The following CNTNAP3 variants were observed in gnomAD, a reference collection of about 807,000 sequenced individuals.
CNTNAP3 encodes contactin associated protein family member 3.
CNTNAP3 carries 36 observed loss-of-function variants against 92.1 expected under a neutral mutation model. That is an observed-to-expected ratio of 0.39 (90% CI 0.30 to 0.52). The LOEUF (loss-of-function observed/expected upper bound fraction) is 0.52, where lower values mean the gene tolerates loss of function less well. CNTNAP3 is among the 20% of genes least tolerant of loss of function. The pLI is 0.76. For missense variants in CNTNAP3, 534 were observed against 1,069.6 expected, an observed-to-expected ratio of 0.50 and a Z score of 6.98; for synonymous variants, 232 against 422.3, an observed-to-expected ratio of 0.55 and a Z score of 5.53.
chr9:39,132,859 C>G, intron 13 of CNTNAP3, 73 bp downstream of exon 13: 6 of 1,468,520 alleles, frequency 4.1e-6, no homozygotes, highest in East Asian at 5.3e-5. Context: ...TTTTCTCCCT[C>G]AAACGCATCT....
In CNTNAP3 at chr9:39,145,056, T is replaced by C. The variant is rs1267389206; in HGVS notation, c.1650-710A>G. 2.9e-5 allele frequency among the ~76,000 whole-genome samples: 4 copies of C among 139,626 alleles called. 1 individual carries two copies. Among genetic ancestry groups the C allele is most frequent in the Non-Finnish European group, 6.4e-5 (4 of 62,386 alleles). 91.6% of individuals were successfully genotyped at this position (139,626 alleles called of 152,430 possible). ...AATCTTGAAAAAGAACAGTTGGAGGTCTCACACTTTCAGAATTCTTGGAAT... is the reference window on the plus strand; with the variant it reads ...AATCTTGAAAAAGAACAGTTGGAGGCCTCACACTTTCAGAATTCTTGGAAT... On this transcript the variant is annotated intron_variant, in intron 10 of 23. Transcript: ENST00000297668.
chr9:39,140,886 G>A (rs1027003562), intron 11 of CNTNAP3, among the ~76,000 whole-genome samples: 7 of 152,170 alleles, frequency 4.6e-5, no homozygotes, highest in Non-Finnish European at 8.8e-5. Context: ...GTTGTTAGAT[G>A]CTGAATAAAT....
At chr9:39,168,166 G>A (rs1251985058) in intron 8 of CNTNAP3, among the ~76,000 whole-genome samples, 2 of 124,830 alleles carry the variant, frequency 1.6e-5, no homozygotes, top group African/African-American at 2.9e-5. Context: ...ACAGGCACCC[G>A]CCACCACGCC....
Position 39,140,645 on chromosome 9 carries a change from G to C in CNTNAP3, c.1757-7C>G, listed in dbSNP as rs773656590. The C allele has an allele frequency of 6.3e-7, 1 of 1,588,194 alleles. No homozygotes were observed. The highest frequency in any genetic ancestry group is 8.5e-7 in the Non-Finnish European group (1 of 1,171,536). On this transcript the variant is annotated splice_polypyrimidine_tract_variant and splice_region_variant and intron_variant, in intron 11 of 23. Transcript: ENST00000297668. ...CAAGACTGCTCGTAGAGAGCTGTAG[G>C]AGAACACCAGCCATAAGAACCAGAA...
chr9:39,087,548 G>A (rs1242422975), intron 19 of CNTNAP3, among the ~76,000 whole-genome samples: 4 of 151,870 alleles, frequency 2.6e-5, no homozygotes, highest in African/African-American at 7.3e-5. Context: ...GTGCAGTGGC[G>A]CGATCTGGGC....
At chr9:39,083,350 A>G (rs1564068285) in intron 21 of CNTNAP3, among the ~76,000 whole-genome samples, 2 of 152,002 alleles carry the variant, frequency 1.3e-5, no homozygotes, top group Non-Finnish European at 2.9e-5. Flanking sequence ...TTTGATATAT[A>G]TATGTAATTT....
intron 10 of CNTNAP3, among the ~76,000 whole-genome samples, chr9:39,149,420 G>C (rs866753363): frequency 5.9e-5 from 9 of 151,450 alleles, no homozygotes; most frequent in Admixed American, 5.9e-4. Flanking sequence ...CGCGATCTCT[G>C]CTCACTGCAA....
chr9:39,085,889 G>A, intron 20 of CNTNAP3, 66 bp from the exon 21 acceptor site: 2 of 1,341,058 alleles, frequency 1.5e-6, no homozygotes, highest in Non-Finnish European at 2.1e-6. Flanking sequence ...AGGAAGCAAA[G>A]GAAGATGAGG....
At chr9:39,126,956 AT>A (rs199862119) in intron 13 of CNTNAP3, among the ~76,000 whole-genome samples, 88 of 151,194 alleles carry the variant, frequency 5.8e-4, no homozygotes, top group Admixed American at 1.5e-3. Flanking sequence ...CAGAATATAC[AT>A]TTTTTTTTCA....
At chr9:39,141,105 T>G (rs1329600600) in intron 11 of CNTNAP3, among the ~76,000 whole-genome samples, 1 of 152,172 alleles carries the variant, frequency 6.6e-6, no homozygotes, top group Non-Finnish European at 1.5e-5. Context: ...TGTAAAACAC[T>G]TGAAGAGATA....
At chr9:39,105,382 A>T (rs10814795) in intron 15 of CNTNAP3, among the ~76,000 whole-genome samples, 1 of 151,894 alleles carries the variant, frequency 6.6e-6, no homozygotes, top group Admixed American at 6.6e-5. Context: ...AGGTGAGATC[A>T]TGCCACTGCA....
rs1156620879 is a variant in CNTNAP3 at position 39,276,558 on chromosome 9, T to G, written c.86-9552A>C. Among the ~76,000 whole-genome samples, 231 of 29,132 alleles carry G rather than the reference T, an allele frequency of 7.9e-3. 42 individuals are homozygous for G. Among genetic ancestry groups the G allele is most frequent in the African/African-American group, 0.014 (224 of 15,944 alleles). The allele number at this position is 29,132 out of a possible 152,430, so 19.1% of individuals were successfully genotyped here. ...TCGGCAAATGTAAAAGAACAGAAAT[T>G]ATAACAAACTGTCTCTCAGACCACA... is the stretch of plus-strand genomic sequence containing the variant. On this transcript the variant is annotated intron_variant, in intron 1 of 23. Transcript: ENST00000297668.
chr9:39,133,017 C>G lies in CNTNAP3; in HGVS notation c.1995G>C (p.Gln665His), dbSNP rs1587724670. The G allele has an allele frequency of 1.3e-6, 2 of 1,541,338 alleles. No homozygotes were observed. The highest frequency in any genetic ancestry group is 1.7e-6 in the Non-Finnish European group (2 of 1,150,638). ...VSFAYAAGAG[Q>H]LRSAVNLAER... ...CCGCCAGGTTCACCGCGGACCGCAG[C>G]TGCCCCGCGCCCGCTGCGTACGCGA... Residue 665 changes from glutamine to histidine, a missense_variant, in exon 13 of 24, where the codon CAG becomes CAC. Physicochemically the swap from Gln to His is conservative, Grantham distance 24. Transcript: ENST00000297668.
At position 39,068,348 on chromosome 9, in the gene CNTNAP3, G is replaced by A. The variant is rs1292541869; in HGVS notation, c.*5542C>T. ...GGAGAATGGCATGAACCCTGGAGGC[G>A]GAGCTTGCAGTGAGCCAGGATCGCG... On this transcript the variant is annotated 3_prime_UTR_variant, in exon 24 of 24. Coordinates refer to ENST00000297668, the MANE Select transcript of CNTNAP3 (RefSeq NM_033655.5). Among the ~76,000 whole-genome samples, 6 of 152,410 alleles carry A rather than the reference G, an allele frequency of 3.9e-5. No individual in the cohort carries two copies. Among genetic ancestry groups the A allele is most frequent in the Non-Finnish European group, 7.3e-5 (5 of 68,040 alleles).
intron 15 of CNTNAP3, among the ~76,000 whole-genome samples, chr9:39,104,209 T>G (rs976663794): frequency 2.6e-5 from 4 of 152,062 alleles, no homozygotes; most frequent in Admixed American, 2.0e-4. Flanking sequence ...AAGTTCAGAA[T>G]CACCTCAAAG....
intron 9 of CNTNAP3, among the ~76,000 whole-genome samples, chr9:39,152,804 C>T (rs527947589): frequency 1.1e-3 from 138 of 124,570 alleles, no homozygotes; most frequent in African/African-American, 4.3e-3. Flanking sequence ...TACAGGCACG[C>T]GCCACCACAC....
intron 19 of CNTNAP3, 106 bp downstream of exon 19, chr9:39,088,317 A>C: frequency 1.0e-6 from 1 of 960,694 alleles, no homozygotes; most frequent in Non-Finnish European, 1.6e-6. Flanking sequence ...GAGGGCATAC[A>C]GTTTTCTCTC....
At chr9:39,134,710 G>A (rs1341640800) in intron 12 of CNTNAP3, among the ~76,000 whole-genome samples, 11 of 152,210 alleles carry the variant, frequency 7.2e-5, no homozygotes, top group Non-Finnish European at 4.4e-5. Flanking sequence ...TTACAGGTGT[G>A]AGCCACCACG....
chr9:39,095,298 A>G (rs1210187237), intron 18 of CNTNAP3, among the ~76,000 whole-genome samples: 1 of 151,658 alleles, frequency 6.6e-6, no homozygotes, highest in Non-Finnish European at 1.5e-5. Context: ...CTTCTATTGA[A>G]ATTTGGATGC....
Sources: allele counts gnomAD v4.1 joint callset (sites outside exome capture counted in the v4.1 genomes callset), GRCh38; gene constraint gnomAD v4.1.1; transcripts MANE v1.5; gene names NCBI Gene and HGNC (gene_info 2026-07-23, HGNC 2026-07-21).